Variants in MAML1 observed in about 807,000 individuals in gnomAD.
MAML1 encodes mastermind-like protein 1.
A neutral mutation model predicts 77.1 loss-of-function variants in MAML1; 14 were observed. The ratio of observed to expected loss-of-function variants is 0.18; its 90% CI spans 0.12 to 0.28. The LOEUF (loss-of-function observed/expected upper bound fraction) is 0.28. MAML1 is among the 10% of genes least tolerant of loss of function. The pLI, the probability that MAML1 is intolerant of heterozygous loss-of-function variation, is 1.00. For synonymous variants in MAML1, 516 were observed against 551.9 expected (o/e 0.93, Z 0.91); for missense variants, 1,217 against 1,327.8 (o/e 0.92, Z 1.30).
At position 179,775,566 on chromosome 5, in the gene MAML1, G is replaced by A; in HGVS notation, c.*689G>A. 1 of 985,390 alleles carries A rather than the reference G, an allele frequency of 1.0e-6. No individual in the cohort carries two copies. The highest frequency in any genetic ancestry group is 1.2e-6 in the Non-Finnish European group (1 of 829,910). 61.0% of individuals were successfully genotyped at this position (985,390 alleles called of 1,614,324 possible). On this transcript the variant is annotated 3_prime_UTR_variant, in exon 5 of 5. Transcript: ENST00000292599. ...ATGGGATAGCAGGTCTGGTGACACA[G>A]CTAGGGTCTTCCTAGCAGCTCCTCC... is the stretch of plus-strand genomic sequence containing the variant.
At position 179,766,415 on chromosome 5, in the gene MAML1, A is replaced by C; in HGVS notation, c.1405A>C (p.Ser469Arg). Residue 469 changes from serine (S) to arginine (R), a missense_variant, in exon 2 of 5, where the codon AGT becomes CGT. Transcript: ENST00000292599. The surrounding 1 kb of genome is among the most constrained non-coding windows in gnomAD (Gnocchi z 4.0). ...FTNSKLLMMPSVNKSSPRPGG... is the reference protein window; with the variant it reads ...FTNSKLLMMPRVNKSSPRPGG... ...TAACTCCAAACTGCTCATGATGCCT[A>C]GTGTGAATAAGAGTTCCCCTCGGCC... is the stretch of plus-strand genomic sequence containing the variant. 6.2e-7 allele frequency: 1 copy of C among 1,612,850 alleles called. No homozygotes were observed. The highest frequency in any genetic ancestry group is 2.2e-5 in the East Asian group (1 of 44,874).
chr5:179,774,182 A>T lies in MAML1; in HGVS notation c.2356A>T (p.Asn786Tyr). The T allele has an allele frequency of 6.2e-7, 1 of 1,613,496 alleles. No homozygotes were observed. The highest frequency in any genetic ancestry group is 8.5e-7 in the Non-Finnish European group (1 of 1,180,010). ...ACATGCCCACATTCCACGGCAGACC[A>T]ACGTGGGCCAGAACACCTCCGTCTC... ...NGHAHIPRQT[N>Y]VGQNTSVSAA... is the part of the protein sequence containing the mutation. Residue 786 changes from asparagine to tyrosine, a missense_variant, in exon 5 of 5, where the codon AAC (asparagine) becomes TAC (tyrosine). Asn to Tyr is a moderately radical substitution (Grantham distance 143, BLOSUM62 -2). Around this residue, in one of 3 missense-constraint regions of MAML1, gnomAD observed 884 missense variants for 949.3 expected, o/e 0.93. Coordinates refer to ENST00000292599, the MANE Select transcript of MAML1 (RefSeq NM_014757.5).
chr5:179,738,549 C>T (rs1427275946), intron 1 of MAML1, among the ~76,000 whole-genome samples: 1 of 152,058 alleles, frequency 6.6e-6, no homozygotes, highest in Non-Finnish European at 1.5e-5. Context: ...TCTCCCTTCC[C>T]AACTGAGTCT....
chr5:179,743,334 G>A (rs1251525374), intron 1 of MAML1, among the ~76,000 whole-genome samples: 1 of 148,660 alleles, frequency 6.7e-6, no homozygotes, highest in Non-Finnish European at 1.5e-5. Context: ...TTACAGGCGT[G>A]AGCCACCATG....
At position 179,775,594 on chromosome 5, in the gene MAML1, C is replaced by T; in HGVS notation, c.*717C>T. ...AGGGTCTTCCTAGCAGCTCCTCCTC[C>T]TCCCTCCCAAGGCCCCCAGGAATCC... On this transcript the variant is annotated 3_prime_UTR_variant, in exon 5 of 5. Transcript: ENST00000292599. 1.0e-6 allele frequency: 1 copy of T among 985,440 alleles called. No homozygotes were observed. Among genetic ancestry groups the T allele is most frequent in the Non-Finnish European group, 1.2e-6 (1 of 829,932 alleles). 61.0% of individuals were successfully genotyped at this position (985,440 alleles called of 1,614,324 possible).
At chr5:179,753,179 T>G (rs1271860050) in intron 1 of MAML1, among the ~76,000 whole-genome samples, 3 of 140,830 alleles carry the variant, frequency 2.1e-5, no homozygotes, top group South Asian at 4.7e-4. Context: ...TAGATGCTAT[T>G]TTTTAGTGTG....
chr5:179,733,093 G>A lies in MAML1; in HGVS notation c.-20G>A, dbSNP rs571822967. 155 of 1,348,490 alleles carry A rather than the reference G, an allele frequency of 1.1e-4. 1 individual carries two copies. In the African/African-American group the frequency reaches 2.1e-3, roughly 18 times the overall value. 83.5% of individuals were successfully genotyped at this position (1,348,490 alleles called of 1,614,324 possible). On this transcript the variant is annotated 5_prime_UTR_variant, in exon 1 of 5. Transcript: ENST00000292599. The stretch of plus-strand genomic sequence containing the variant: ...CCCGAGAGGCCCGGCCCCGGGCCCG[G>A]CCCGTGCAGCCCGCGGCCCATGGTG...
chr5:179,770,993 TA>T, intron 3 of MAML1, 153 bp from the exon 4 acceptor site: 1 of 617,622 alleles, frequency 1.6e-6, no homozygotes. Context: ...TCATACTATT[TA>T]AAAACCCCAA....
chr5:179,748,277 TTGCCA>T (rs1779419997), intron 1 of MAML1, among the ~76,000 whole-genome samples: 1 of 152,090 alleles, frequency 6.6e-6, no homozygotes, highest in South Asian at 2.1e-4. Flanking sequence ...AGATGGGATT[TTGCCA>T]TGTTGGCCAG....
At chr5:179,733,460 C>T (rs1779108500) in intron 1 of MAML1, 33 bp downstream of exon 1, 2 of 1,087,440 alleles carry the variant, frequency 1.8e-6, no homozygotes, top group East Asian at 1.2e-4. Flanking sequence ...CTTGTCGTGG[C>T]GGCAGCCCCC....
At chr5:179,760,758 AGAG>A (rs1303606749) in intron 1 of MAML1, among the ~76,000 whole-genome samples, 1 of 152,188 alleles carries the variant, frequency 6.6e-6, no homozygotes, top group Non-Finnish European at 1.5e-5. Context: ...TAAAAGCAGA[AGAG>A]GATACAAGAA....
intron 1 of MAML1, among the ~76,000 whole-genome samples, chr5:179,739,226 A>G (rs1466087742): frequency 6.6e-6 from 1 of 152,206 alleles, no homozygotes; most frequent in Non-Finnish European, 1.5e-5. Flanking sequence ...AACACAAATT[A>G]TAATATGCAG....
At chr5:179,753,214 TGTGTGTGTGC>T (rs10603184) in intron 1 of MAML1, among the ~76,000 whole-genome samples, 37,158 of 130,250 alleles carry the variant, frequency 0.29, 5,114 homozygotes, top group South Asian at 0.42. Flanking sequence ...TGTGTGTGTG[TGTGTGTGTGC>T]GCGCGCGCGC....
chr5:179,763,699 C>A (rs1779761651), intron 1 of MAML1, among the ~76,000 whole-genome samples: 2 of 152,166 alleles, frequency 1.3e-5, no homozygotes, highest in African/African-American at 4.8e-5. Context: ...TTGCCCCAGG[C>A]AGGACGCCCA....
intron 1 of MAML1, among the ~76,000 whole-genome samples, chr5:179,763,126 TTACAGA>T (rs1259561769): frequency 6.6e-6 from 1 of 152,182 alleles, no homozygotes; most frequent in Non-Finnish European, 1.5e-5. Flanking sequence ...GCTCCCAGGT[TTACAGA>T]TAGCCCAGAC....
intron 1 of MAML1, among the ~76,000 whole-genome samples, chr5:179,755,701 C>T (rs1779598527): frequency 6.7e-6 from 1 of 149,520 alleles, no homozygotes; most frequent in Admixed American, 6.7e-5. Flanking sequence ...TATGCATGGA[C>T]CTTTTTTTTT....
intron 1 of MAML1, among the ~76,000 whole-genome samples, chr5:179,763,896 G>C (rs942319160): frequency 6.6e-6 from 1 of 151,276 alleles, no homozygotes; most frequent in African/African-American, 2.4e-5. Context: ...TTATGGGAAG[G>C]GGGGATGGTA....
rs547887221 is a variant in MAML1, at chr5:179,764,514, G to A, written c.316-812G>A. Among the ~76,000 whole-genome samples, 480 of 152,078 alleles carry A rather than the reference G, an allele frequency of 3.2e-3. 1 individual carries two copies. Among genetic ancestry groups the A allele is most frequent in the Admixed American group, 5.8e-3 (89 of 15,276 alleles). ...CGTCTCTACTAAAAATACAAAATTA[G>A]CTGGGCATGGTGGCACATGCCTGTA... is the stretch of plus-strand genomic sequence containing the variant. On this transcript the variant is annotated intron_variant, in intron 1 of 4. Coordinates refer to ENST00000292599, the MANE Select transcript of MAML1 (RefSeq NM_014757.5).
Position 179,774,174 on chromosome 5 carries a change from G to C in MAML1, c.2348G>C (p.Arg783Pro), listed in dbSNP as rs944752991. The C allele has an allele frequency of 6.2e-7, 1 of 1,613,430 alleles. No homozygotes were observed. Among genetic ancestry groups the C allele is most frequent in the Non-Finnish European group, 8.5e-7 (1 of 1,180,008 alleles). The change falls in exon 5 of 5, where the codon CGG (arginine) becomes CCG (proline). Residue 783 changes from arginine (R) to proline (P), a missense_variant. Physicochemically the swap from Arg to Pro is moderately radical, Grantham distance 103. Transcript: ENST00000292599. ...QATNGHAHIP[R>P]QTNVGQNTSV... ...ACCAATGGACATGCCCACATTCCAC[G>C]GCAGACCAACGTGGGCCAGAACACC... is the stretch of plus-strand genomic sequence containing the variant.
Sources: allele counts gnomAD v4.1 joint callset (sites outside exome capture counted in the v4.1 genomes callset), GRCh38; gene constraint gnomAD v4.1.1; regional missense constraint gnomAD v4.1.1; non-coding constraint Gnocchi (gnomAD v3.1); transcripts MANE v1.5; gene names NCBI Gene and HGNC (gene_info 2026-07-23, HGNC 2026-07-21).